FER1L6: variants seen among roughly 807,000 people sequenced by gnomAD.
FER1L6 encodes the protein fer-1-like protein 6.
In FER1L6, 177 loss-of-function variants were observed where a neutral mutation model predicts 219.2. The ratio of observed to expected loss-of-function variants is 0.81; its 90% CI spans 0.71 to 0.91. The LOEUF (loss-of-function observed/expected upper bound fraction) is 0.91, where lower values mean the gene tolerates loss of function less well. Ranked by LOEUF, FER1L6 falls within the 40% of genes least tolerant of loss-of-function variation. The probability of loss-of-function intolerance (pLI) is 0.00; values close to 1 mark genes in which losing one functional copy is unlikely to be tolerated. For synonymous variants in FER1L6, 768 were observed against 824.3 expected (o/e 0.93, Z 1.17); for missense variants, 2,153 against 2,259.9 (o/e 0.95, Z 0.96).
chr8:123,888,237 C>T (rs1465299399), intron 1 of FER1L6, among the ~76,000 whole-genome samples: 1 of 152,072 alleles, frequency 6.6e-6, no homozygotes, highest in East Asian at 1.9e-4. Context: ...ATGCCTTAGC[C>T]TCCCGAGTAG....
chr8:124,049,618 A>G lies in FER1L6; in HGVS notation c.2736A>G (p.Glu912=), dbSNP rs750522140. 6.2e-6 allele frequency: 10 copies of G among 1,613,916 alleles called. No homozygotes were observed. The highest frequency in any genetic ancestry group is 7.6e-6 in the Non-Finnish European group (9 of 1,179,976). Residue 912 remains glutamate (E), a synonymous_variant, in exon 22 of 41, where the codon GAA becomes GAG. Transcript: ENST00000522917. ...LYDSDAVGKP[E]YLGATVAAPV... The stretch of plus-strand genomic sequence containing the variant: ...CTTTTCTTCTTTAGGGGAAGCCAGA[A>G]TATTTGGGTGCCACAGTGGCTGCTC...
intron 39 of FER1L6, 133 bp from the exon 40 acceptor site, chr8:124,118,711 T>C (rs953123990): frequency 4.5e-5 from 34 of 763,570 alleles, no homozygotes; most frequent in Non-Finnish European, 6.4e-5. Context: ...AGCAACAACA[T>C]TTATCAAAAT....
At chr8:123,873,787 C>A (rs942263438) in intron 1 of FER1L6, among the ~76,000 whole-genome samples, 8 of 152,142 alleles carry the variant, frequency 5.3e-5, no homozygotes, top group African/African-American at 1.9e-4. Context: ...CACAATCACA[C>A]CCTGATCTTG....
intron 1 of FER1L6, among the ~76,000 whole-genome samples, chr8:123,924,551 AT>A (rs1239970012): frequency 2.6e-5 from 4 of 151,778 alleles, no homozygotes; most frequent in African/African-American, 9.7e-5. Flanking sequence ...AAAAAAATAA[AT>A]AAATAAAAGA....
chr8:124,082,589 G>A (rs537408441), intron 33 of FER1L6, 131 bp downstream of exon 33: 70 of 761,284 alleles, frequency 9.2e-5, no homozygotes, highest in Admixed American at 3.2e-4. Context: ...TCTCAAATGG[G>A]CTCCACATCA....
intron 7 of FER1L6, 127 bp from the exon 8 acceptor site, chr8:123,975,023 T>G: frequency 2.5e-6 from 2 of 789,696 alleles, no homozygotes; most frequent in Non-Finnish European, 3.8e-6. Flanking sequence ...TGGAAAAAAC[T>G]GAGATGATTT....
At chr8:123,965,933 C>A in intron 3 of FER1L6, 74 bp from the exon 4 acceptor site, 1 of 1,287,692 alleles carries the variant, frequency 7.8e-7, no homozygotes, top group Non-Finnish European at 1.1e-6. Flanking sequence ...CTTAGAAATA[C>A]TTTGGAGAAT....
At chr8:124,102,009 A>G (rs1371072837) in intron 38 of FER1L6, among the ~76,000 whole-genome samples, 1 of 152,182 alleles carries the variant, frequency 6.6e-6, no homozygotes, top group Admixed American at 6.5e-5. Context: ...AATAGAAAGG[A>G]ATGTCTAGGT....
chr8:124,006,650 G>A (rs768913829), intron 13 of FER1L6, among the ~76,000 whole-genome samples: 5 of 152,170 alleles, frequency 3.3e-5, no homozygotes, highest in African/African-American at 1.2e-4. Context: ...CTGGAGCTCC[G>A]GAATGGGACT....
At chr8:123,986,279 G>A in intron 12 of FER1L6, 103 bp downstream of exon 12, 1 of 673,216 alleles carries the variant, frequency 1.5e-6, no homozygotes, top group South Asian at 2.0e-5. Context: ...GCACTCTGGT[G>A]GAGGTTTGCA....
At chr8:123,924,283 G>A (rs1473463817) in intron 1 of FER1L6, among the ~76,000 whole-genome samples, 9 of 147,880 alleles carry the variant, frequency 6.1e-5, no homozygotes, top group African/African-American at 2.2e-4. Flanking sequence ...GGTGGCTCAC[G>A]CCTGTAATCC....
rs1416105774 is a variant in FER1L6 at position 123,853,841 on chromosome 8, A to T, written c.-8+1656A>T. 6.6e-6 allele frequency among the ~76,000 whole-genome samples: 1 copy of T among 152,210 alleles called. No individual in the cohort carries two copies. The highest frequency in any genetic ancestry group is 1.5e-5 in the Non-Finnish European group (1 of 68,034). On this transcript the variant is annotated intron_variant, in intron 1 of 40. Coordinates refer to ENST00000522917, the MANE Select transcript of FER1L6 (RefSeq NM_001039112.2). The surrounding 1 kb of genome is among the most constrained non-coding windows in gnomAD (Gnocchi z 6.6). ...AACATCGCGGCCTTGATGAAGCCAC[A>T]GTGATGCTACCCAGGGACTCTGCAG...
intron 1 of FER1L6, among the ~76,000 whole-genome samples, chr8:123,892,375 C>T (rs1586444496): frequency 6.6e-6 from 1 of 151,386 alleles, no homozygotes; most frequent in Admixed American, 6.6e-5. Context: ...CACTGCAACT[C>T]CTGCCTCCTG....
chr8:123,941,040 T>C (rs1428057040), intron 1 of FER1L6, among the ~76,000 whole-genome samples: 1 of 152,206 alleles, frequency 6.6e-6, no homozygotes, highest in Non-Finnish European at 1.5e-5. Context: ...AGTATTTTGT[T>C]CAATAAACGT....
rs761790601 is a variant in FER1L6, at chr8:124,092,243, C to T, written c.4552+660C>T. Among the ~76,000 whole-genome samples, 7 of 152,182 alleles carry T rather than the reference C, an allele frequency of 4.6e-5. No homozygotes were observed. In the South Asian group the frequency reaches 6.2e-4, roughly 14 times the overall value. On this transcript the variant is annotated intron_variant, in intron 34 of 40. Transcript: ENST00000522917. ...TGATCAGTGATGATATGCCTTTTTA[C>T]GGTTATGCCATTTACTCACATTGTA...
intron 16 of FER1L6, among the ~76,000 whole-genome samples, chr8:124,021,239 G>A (rs952689655): frequency 6.6e-6 from 1 of 152,130 alleles, no homozygotes; most frequent in Non-Finnish European, 1.5e-5. Flanking sequence ...TGAAATTTGG[G>A]TGGGACACAG....
chr8:123,966,870 A>C (rs1460673391), intron 5 of FER1L6, among the ~76,000 whole-genome samples: 2 of 152,144 alleles, frequency 1.3e-5, no homozygotes, highest in African/African-American at 4.8e-5. Flanking sequence ...TCACGAGCTC[A>C]GGAGATCAAG....
At chr8:124,101,652 GA>G (rs759274777) in intron 38 of FER1L6, among the ~76,000 whole-genome samples, 6 of 152,214 alleles carry the variant, frequency 3.9e-5, no homozygotes, top group Admixed American at 1.3e-4. Flanking sequence ...ATACTTCAGA[GA>G]GGGGCGGAGC....
At position 123,853,889 on chromosome 8, in the gene FER1L6, C is replaced by CA. The variant is rs1487506547; in HGVS notation, c.-8+1705dup. Among the ~76,000 whole-genome samples, 3 of 152,192 alleles carry CA rather than the reference C, an allele frequency of 2.0e-5. No homozygotes were observed. The highest frequency in any genetic ancestry group is 4.4e-5 in the Non-Finnish European group (3 of 68,042). On this transcript the variant is annotated intron_variant, in intron 1 of 40. Transcript: ENST00000522917. This position sits in a 1 kb window ranked among gnomAD's most constrained non-coding sequence, Gnocchi z 6.6. ...CAGAGCTGCCAGTCTCCTGCAACTC[C>CA]ACAGAGCCTGGACAGGGCAGCAGAA...
Sources: gnomAD v4.1 joint callset for allele counts (sites outside exome capture counted in the v4.1 genomes callset) on GRCh38, gnomAD v4.1.1 for gene constraint, Gnocchi (gnomAD v3.1) non-coding constraint, MANE v1.5 for transcripts, NCBI Gene and HGNC (gene_info 2026-07-23, HGNC 2026-07-21) for gene names.